The following DNAJC14 variants were observed in gnomAD, a reference collection of about 807,000 sequenced individuals.
DNAJC14 encodes the protein DnaJ heat shock protein family (Hsp40) member C14.
A neutral mutation model predicts 68.8 loss-of-function variants in DNAJC14; 12 were observed. The ratio of observed to expected loss-of-function variants is 0.17; its 90% CI spans 0.11 to 0.28. DNAJC14 has a LOEUF of 0.28. Ranked by LOEUF, DNAJC14 falls within the 10% of genes least tolerant of loss-of-function variation. DNAJC14 has a pLI of 1.00. For missense variants in DNAJC14, 764 were observed against 875.6 expected (o/e 0.87, Z 1.61); for synonymous variants, 350 against 321.5 (o/e 1.09, Z -0.95).
Position 55,823,432 on chromosome 12 carries a change from C to G in DNAJC14, c.1484G>C (p.Ser495Thr). ...ATACTCCTTTCGCTTTTCAGCATTG[C>G]TGACAATGTCCCAAGCTGCTCGCAA... ...KVLRAAWDIV[S>T]NAEKRKEYEM... Residue 495 changes from serine (S) to threonine (T), a missense_variant, in exon 3 of 7, where the codon AGC becomes ACC. This residue lies in a region of DNAJC14 where 110 missense variants were observed against 162.7 expected (regional missense o/e 0.68). Transcript: ENST00000678005. The G allele has an allele frequency of 6.2e-7, 1 of 1,614,180 alleles. No homozygotes were observed. Among genetic ancestry groups the G allele is most frequent in the African/African-American group, 1.3e-5 (1 of 75,052 alleles).
At chr12:55,822,250 T>C in intron 6 of DNAJC14, 63 bp from the exon 7 acceptor site, 1 of 1,529,340 alleles carries the variant, frequency 6.5e-7, no homozygotes, top group Non-Finnish European at 8.8e-7. Flanking sequence ...CTAAGTTAGA[T>C]ATACTTATCA....
intron 4 of DNAJC14, 151 bp from the exon 5 acceptor site, chr12:55,822,883 T>C: frequency 7.2e-7 from 1 of 1,393,138 alleles, no homozygotes; most frequent in Non-Finnish European, 9.7e-7. Context: ...ATCCTAAAGC[T>C]AATGTTTCTT....
In DNAJC14 at chr12:55,822,453, T is replaced by C; in HGVS notation, c.1818A>G (p.Val606=). ...CTCTGTGGGTATCTGGGGAGATACCTACACGCTGGCATCCAGCCCACTCTA... is the reference window on the plus strand; with the variant it reads ...CTCTGTGGGTATCTGGGGAGATACCCACACGCTGGCATCCAGCCCACTCTA... ...DITEWAGCQR[V]GISPDTHRVP... Residue 606 remains valine, a synonymous_variant, in exon 6 of 7, where the codon GTA becomes GTG. Coordinates refer to ENST00000678005, the MANE Select transcript of DNAJC14 (RefSeq NM_032364.6). 3 of 1,613,994 alleles carry C rather than the reference T, an allele frequency of 1.9e-6. No homozygotes were observed. Among genetic ancestry groups the C allele is most frequent in the Non-Finnish European group, 2.5e-6 (3 of 1,179,992 alleles).
upstream of DNAJC14, chr12:55,830,499 C>T (rs1880951617): frequency 6.6e-6 from 1 of 152,318 alleles, no homozygotes; most frequent in African/African-American, 2.4e-5. Flanking sequence ...AGCAAAAGCC[C>T]CTTCCCTGGT....
chr12:55,827,979 C>T lies in DNAJC14; in HGVS notation c.680G>A (p.Arg227Gln), dbSNP rs774254718. The change falls in exon 2 of 7, where the codon CGA becomes CAA. Residue 227 changes from arginine to glutamine, a missense_variant. By Grantham distance (43) the Arg-to-Gln change is conservative. Around this residue, in one of 4 missense-constraint regions of DNAJC14, gnomAD observed 514 missense variants for 521.7 expected, o/e 0.99. Transcript: ENST00000678005. ...GCCTTTGCGCTTATCTGCCTGACTT[C>T]GTTTCCGACCCAGCCGATGTCGACC... ...SPGRHRLGRK[R>Q]SQADKRKGLG... The T allele has an allele frequency of 3.1e-6, 5 of 1,612,982 alleles. No homozygotes were observed. The highest frequency in any genetic ancestry group is 2.2e-5 in the South Asian group (2 of 91,024).
Position 55,827,955 on chromosome 12 carries a change from C to G in DNAJC14, c.704G>C (p.Gly235Ala), listed in dbSNP as rs1319250950. 1.9e-6 allele frequency: 3 copies of G among 1,611,880 alleles called. No homozygotes were observed. The East Asian group carries it at 6.7e-5, about 36-fold the overall frequency. ...TTCCTCGGCTCCCCACAATCCCAGG[C>G]CTTTGCGCTTATCTGCCTGACTTCG... ...RKRSQADKRK[G>A]LGLWGAEELC... Residue 235 changes from glycine to alanine, a missense_variant, in exon 2 of 7, where the codon GGC becomes GCC. By Grantham distance (60) the Gly-to-Ala change is moderately conservative (BLOSUM62 0). Around this residue, in one of 4 missense-constraint regions of DNAJC14, gnomAD observed 514 missense variants for 521.7 expected, o/e 0.99. Transcript: ENST00000678005.
intron 2 of DNAJC14, among the ~76,000 whole-genome samples, chr12:55,825,130 C>CAAAAAAAA (rs71074860): frequency 3.1e-5 from 2 of 65,496 alleles, no homozygotes; most frequent in African/African-American, 6.1e-5. Flanking sequence ...GACCCTGTCT[C>CAAAAAAAA]AAAAAAAAAA....
chr12:55,827,999 T>A lies in DNAJC14; in HGVS notation c.660A>T (p.Arg220=). 6.2e-7 allele frequency: 1 copy of A among 1,613,508 alleles called. No homozygotes were observed. Among genetic ancestry groups the A allele is most frequent in the Non-Finnish European group, 8.5e-7 (1 of 1,179,898 alleles). Residue 220 remains arginine, a synonymous_variant, in exon 2 of 7, where the codon CGA becomes CGT. Transcript: ENST00000678005. ...GACTTCGTTTCCGACCCAGCCGATGTCGACCAGGGGACCTGGGATCCCTAC... is the reference window on the plus strand; with the variant it reads ...GACTTCGTTTCCGACCCAGCCGATGACGACCAGGGGACCTGGGATCCCTAC... ...GGRRDPRSPG[R]HRLGRKRSQA... is the part of the protein sequence containing the mutation.
In DNAJC14 at chr12:55,821,035, T is replaced by G. The variant is rs1341826853; in HGVS notation, c.*942A>C. ...ATAATCCCCTGGCTTTAAATAGTCA[T>G]GTACATACAAATATGAACAAACTTA... On this transcript the variant is annotated 3_prime_UTR_variant, in exon 7 of 7. Coordinates refer to ENST00000678005, the MANE Select transcript of DNAJC14 (RefSeq NM_032364.6). 6.5e-6 allele frequency: 1 copy of G among 152,724 alleles called. No individual in the cohort carries two copies. Among genetic ancestry groups the G allele is most frequent in the East Asian group, 1.9e-4 (1 of 5,202 alleles). 9.5% of individuals were successfully genotyped at this position (152,724 alleles called of 1,614,324 possible).
At chr12:55,823,003 T>C (rs1192137162) in intron 4 of DNAJC14, 67 bp downstream of exon 4, 3 of 1,598,696 alleles carry the variant, frequency 1.9e-6, no homozygotes, top group African/African-American at 1.3e-5. Context: ...CAGTACTCAC[T>C]AGAAAGATCC....
In DNAJC14 at chr12:55,823,394, C is replaced by T. The variant is rs1461467613; in HGVS notation, c.1514+8G>A. ...CCATTATCTGATGATTTCCCATCTC[C>T]AACTTACATCTCATACTCCTTTCGC... On this transcript the variant is annotated splice_region_variant and intron_variant, in intron 3 of 6. Transcript: ENST00000678005. The T allele has an allele frequency of 2.6e-5, 42 of 1,613,820 alleles. No homozygotes were observed. The highest frequency in any genetic ancestry group is 3.6e-5 in the Non-Finnish European group (42 of 1,179,896).
Position 55,829,517 on chromosome 12 carries a change from G to C in DNAJC14, c.-85C>G. 1 of 982,686 alleles carries C rather than the reference G, an allele frequency of 1.0e-6. No individual in the cohort carries two copies. The highest frequency in any genetic ancestry group is 1.2e-6 in the Non-Finnish European group (1 of 829,462). 60.9% of individuals were successfully genotyped at this position (982,686 alleles called of 1,614,324 possible). ...AGAACGGCGGTAACTCCTCCCCCTCGAGCCGCCCGGCCTGGGGCCAGGGTG... is the reference window on the plus strand; with the variant it reads ...AGAACGGCGGTAACTCCTCCCCCTCCAGCCGCCCGGCCTGGGGCCAGGGTG... On this transcript the variant is annotated 5_prime_UTR_variant, in exon 1 of 7. Coordinates refer to ENST00000678005, the MANE Select transcript of DNAJC14 (RefSeq NM_032364.6).
At position 55,821,711 on chromosome 12, in the gene DNAJC14, G is replaced by T; in HGVS notation, c.*266C>A. Reference sequence around the variant, plus strand: ...AAAAATACAAAAAAGAATTAGCTGGGCCAGGTGTGGTGGTGTGTGCCTGTA... The same window carrying T: ...AAAAATACAAAAAAGAATTAGCTGGTCCAGGTGTGGTGGTGTGTGCCTGTA... On this transcript the variant is annotated 3_prime_UTR_variant, in exon 7 of 7. Transcript: ENST00000678005. 4.0e-6 allele frequency: 1 copy of T among 252,088 alleles called. No homozygotes were observed. The highest frequency in any genetic ancestry group is 7.5e-6 in the Non-Finnish European group (1 of 133,424). The allele number at this position is 252,088 out of a possible 1,614,324, so 15.6% of individuals were successfully genotyped here.
intron 2 of DNAJC14, among the ~76,000 whole-genome samples, chr12:55,823,938 A>C (rs1331355182): frequency 6.6e-6 from 1 of 150,694 alleles, no homozygotes; most frequent in African/African-American, 2.4e-5. Context: ...TCCTGACCTC[A>C]AGAGATCTGC....
intron 2 of DNAJC14, 78 bp from the exon 3 acceptor site, chr12:55,823,586 T>TGA: frequency 7.9e-7 from 1 of 1,261,424 alleles, no homozygotes; most frequent in Non-Finnish European, 1.1e-6. Flanking sequence ...TATCAAAGGG[T>TGA]TCTCTTTCAT....
In DNAJC14 at chr12:55,827,695, G is replaced by T. The variant is rs1220207889; in HGVS notation, c.964C>A (p.Arg322Ser). 6.2e-7 allele frequency: 1 copy of T among 1,614,038 alleles called. No homozygotes were observed. Among genetic ancestry groups the T allele is most frequent in the Non-Finnish European group, 8.5e-7 (1 of 1,179,978 alleles). The change falls in exon 2 of 7, where the codon CGT becomes AGT. Residue 322 changes from arginine (R) to serine (S), a missense_variant. Arg to Ser is a moderately radical substitution (Grantham distance 110). This residue lies in a region of DNAJC14 where 514 missense variants were observed against 521.7 expected (regional missense o/e 0.99). Transcript: ENST00000678005. ...GFYCGVGLFT[R>S]FLKLLGALLL... ...AAAGCACCCAGCAGCTTAAGAAAAC[G>T]AGTAAACAGTCCTACTCCACAGTAA...
intron 5 of DNAJC14, 42 bp from the exon 6 acceptor site, chr12:55,822,517 G>C: frequency 6.2e-6 from 10 of 1,613,794 alleles, no homozygotes; most frequent in Non-Finnish European, 8.5e-6. Flanking sequence ...TCGCAGTTTA[G>C]AGCACATAAA....
rs776015939 is a variant in DNAJC14 at position 55,821,980 on chromosome 12, A to G, written c.2106T>C (p.Arg702=). ...RRKKVRRPFQ[R] ...ATTTGAGGAAAGAGAAGGGGCATCAACGTTGGAAGGGCCTCCTCACTTTCT... is the reference window on the plus strand; with the variant it reads ...ATTTGAGGAAAGAGAAGGGGCATCAGCGTTGGAAGGGCCTCCTCACTTTCT... Residue 702 remains arginine (R), a synonymous_variant, in exon 7 of 7, where the codon CGT becomes CGC. Transcript: ENST00000678005. 1.9e-6 allele frequency: 3 copies of G among 1,610,432 alleles called. No individual in the cohort carries two copies. The highest frequency in any genetic ancestry group is 1.7e-5 in the Admixed American group (1 of 59,136).
chr12:55,828,372 G>C lies in DNAJC14; in HGVS notation c.287C>G (p.Ser96Cys). The C allele has an allele frequency of 6.2e-7, 1 of 1,614,092 alleles. No homozygotes were observed. The highest frequency in any genetic ancestry group is 8.5e-7 in the Non-Finnish European group (1 of 1,180,008). The change falls in exon 2 of 7, where the codon TCT becomes TGT. Residue 96 changes from serine (S) to cysteine (C), a missense_variant. Around this residue, in one of 4 missense-constraint regions of DNAJC14, gnomAD observed 514 missense variants for 521.7 expected, o/e 0.99. Coordinates refer to ENST00000678005, the MANE Select transcript of DNAJC14 (RefSeq NM_032364.6). ...DAEDPDQSET[S>C]SEEESGVDQE... The stretch of plus-strand genomic sequence containing the variant: ...GTCCACTCCTGATTCTTCTTCTGAA[G>C]ACGTCTCACTCTGATCAGGGTCCTC...
Sources: allele counts gnomAD v4.1 joint callset (sites outside exome capture counted in the v4.1 genomes callset), GRCh38; gene constraint gnomAD v4.1.1; regional missense constraint gnomAD v4.1.1; transcripts MANE v1.5; gene names NCBI Gene and HGNC (gene_info 2026-07-23, HGNC 2026-07-21).